NAV3: variants seen among roughly 807,000 people sequenced by gnomAD.
The protein encoded by NAV3 is neuron navigator 3.
In NAV3, 87 loss-of-function variants were observed where a neutral mutation model predicts 244.7. The observed-to-expected ratio is 0.36, with a 90% CI of 0.30 to 0.42. The LOEUF (loss-of-function observed/expected upper bound fraction) is 0.42, where lower values mean the gene tolerates loss of function less well. Among genes scored for constraint, NAV3 ranks in the 20% least tolerant of loss-of-function variants. The pLI, the probability that NAV3 is intolerant of heterozygous loss-of-function variation, is 1.00. For missense variants in NAV3, 2,663 were observed against 2,893.3 expected, an observed-to-expected ratio of 0.92 and a Z score of 1.83; for synonymous variants, 1,126 against 1,042.2, an observed-to-expected ratio of 1.08 and a Z score of -1.55.
intron 6 of NAV3, among the ~76,000 whole-genome samples, chr12:77,997,515 A>G (rs1361358923): frequency 6.6e-6 from 1 of 152,182 alleles, no homozygotes; most frequent in Non-Finnish European, 1.5e-5. Context: ...ATTATAAGAT[A>G]GTCTGTTCAT....
At chr12:77,860,630 A>T (rs1344916727) in intron 1 of NAV3, among the ~76,000 whole-genome samples, 1 of 151,756 alleles carries the variant, frequency 6.6e-6, no homozygotes, top group Admixed American at 6.6e-5. Context: ...TTATTTTTTT[A>T]TTTTTGCTAA....
intron 2 of NAV3, among the ~76,000 whole-genome samples, chr12:77,714,107 A>T (rs1876248925): frequency 6.6e-6 from 1 of 152,046 alleles, no homozygotes; most frequent in African/African-American, 2.4e-5. Flanking sequence ...TTGTGACTGG[A>T]ATTTTGGAGA....
intron 20 of NAV3, 53 bp from the exon 21 acceptor site, chr12:78,146,316 A>G: frequency 1.3e-6 from 1 of 755,926 alleles, no homozygotes; most frequent in Non-Finnish European, 2.0e-6. Context: ...TACTTGTGGA[A>G]TTAATTGAAA....
At chr12:77,714,033 G>C (rs898807975) in intron 2 of NAV3, among the ~76,000 whole-genome samples, 5 of 151,868 alleles carry the variant, frequency 3.3e-5, no homozygotes, top group African/African-American at 1.2e-4. Flanking sequence ...TTTTTTTGCA[G>C]ATCTATATAT....
intron 24 of NAV3, among the ~76,000 whole-genome samples, chr12:78,173,956 G>A (rs1303050822): frequency 6.6e-6 from 1 of 151,628 alleles, no homozygotes; most frequent in African/African-American, 2.4e-5. Flanking sequence ...ACCAGTTATA[G>A]TTTTGTTGCC....
chr12:77,620,356 A>T (rs711118), intron 2 of NAV3, among the ~76,000 whole-genome samples: 235 of 152,302 alleles, frequency 1.5e-3, no homozygotes, highest in African/African-American at 5.5e-3. Context: ...TGCTGGACAT[A>T]GTTGCTGAGG....
chr12:77,775,812 G>A (rs1440031092), intron 2 of NAV3: 1 of 152,136 alleles, frequency 6.6e-6, no homozygotes, highest in African/African-American at 2.4e-5. Context: ...GATCTAAATG[G>A]GACCATTGTT....
rs1882716050 is a variant in NAV3 at position 78,051,242 on chromosome 12, A to T, written c.2516+95A>T. Reference sequence around the variant, plus strand: ...AAACAAATGTGTAAGTTTGCCCAGAAAGTCATGAGAACATATGAGATATCT... The same window carrying T: ...AAACAAATGTGTAAGTTTGCCCAGATAGTCATGAGAACATATGAGATATCT... On this transcript the variant is annotated intron_variant, in intron 11 of 39. Coordinates refer to ENST00000397909, the MANE Select transcript of NAV3 (RefSeq NM_001024383.2). 11 of 1,388,784 alleles carry T rather than the reference A, an allele frequency of 7.9e-6. No individual in the cohort carries two copies. In the South Asian group the frequency reaches 1.5e-4, roughly 19 times the overall value. 86.0% of individuals were successfully genotyped at this position (1,388,784 alleles called of 1,614,324 possible).
intron 20 of NAV3, among the ~76,000 whole-genome samples, chr12:78,144,402 A>G (rs1440444900): frequency 6.6e-6 from 1 of 152,118 alleles, no homozygotes; most frequent in South Asian, 2.1e-4. Flanking sequence ...TAAAAAAAAA[A>G]TGGCAAATAA....
intron 2 of NAV3, among the ~76,000 whole-genome samples, chr12:77,591,522 G>C (rs1869902478): frequency 1.3e-5 from 2 of 152,142 alleles, no homozygotes; most frequent in Non-Finnish European, 2.9e-5. Flanking sequence ...GCTTGTAGTT[G>C]GAGAATAACT....
chr12:77,742,242 C>T, intron 2 of NAV3, among the ~76,000 whole-genome samples: 1 of 151,862 alleles, frequency 6.6e-6, no homozygotes, highest in East Asian at 1.9e-4. Flanking sequence ...GGGTTTTATC[C>T]ACAGGATAAG....
intron 9 of NAV3, 57 bp from the exon 10 acceptor site, chr12:78,049,936 A>G (rs954216251): frequency 5.1e-5 from 61 of 1,200,306 alleles, no homozygotes; most frequent in Non-Finnish European, 2.6e-5. Context: ...TAGGTATACA[A>G]TTATTTTGAG....
chr12:77,961,623 ATG>A (rs1892010293), intron 3 of NAV3, among the ~76,000 whole-genome samples: 1 of 143,434 alleles, frequency 7.0e-6, no homozygotes. Flanking sequence ...ATTACTATAT[ATG>A]TAATATATAT....
chr12:78,036,743 G>A (rs1018823295), intron 9 of NAV3: 17 of 593,112 alleles, frequency 2.9e-5, no homozygotes, highest in Admixed American at 1.2e-4. Context: ...TTCTGTGAAT[G>A]TGTGAGCTTG....
intron 5 of NAV3, among the ~76,000 whole-genome samples, chr12:77,994,093 C>T (rs900265300): frequency 2.0e-5 from 3 of 152,194 alleles, no homozygotes; most frequent in Admixed American, 6.5e-5. Flanking sequence ...TGCCTTTGAA[C>T]AAAGATTTTG....
chr12:78,188,011 C>A (rs1428036729), intron 31 of NAV3, among the ~76,000 whole-genome samples: 1 of 151,830 alleles, frequency 6.6e-6, no homozygotes, highest in Non-Finnish European at 1.5e-5. Flanking sequence ...TTTATCTCAT[C>A]TCTTTCTTTC....
intron 1 of NAV3, among the ~76,000 whole-genome samples, chr12:77,899,409 C>G (rs1884998705): frequency 6.6e-6 from 1 of 152,184 alleles, no homozygotes; most frequent in Non-Finnish European, 1.5e-5. Flanking sequence ...AACCACCACC[C>G]TGATCAATCG....
intron 22 of NAV3, among the ~76,000 whole-genome samples, chr12:78,151,140 A>G (rs2139270972): frequency 6.6e-6 from 1 of 152,192 alleles, no homozygotes; most frequent in South Asian, 2.1e-4. Flanking sequence ...CTTTGTGTTA[A>G]TTTAAAAAGT....
chr12:78,091,793 C>T (rs1396012126), intron 12 of NAV3: 2 of 11,088 alleles, frequency 1.8e-4, no homozygotes, highest in Admixed American at 1.1e-3. Flanking sequence ...GAGACTCCGT[C>T]TCAAAAAAAA....
Sources: gnomAD v4.1 joint callset for allele counts (sites outside exome capture counted in the v4.1 genomes callset) on GRCh38, gnomAD v4.1.1 for gene constraint, MANE v1.5 for transcripts, NCBI Gene and HGNC (gene_info 2026-07-23, HGNC 2026-07-21) for gene names.